The following RAP1GAP2 variants were observed in gnomAD, a reference collection of about 807,000 sequenced individuals.
RAP1GAP2 encodes the protein rap1 GTPase-activating protein 2.
A neutral mutation model predicts 95.0 loss-of-function variants in RAP1GAP2; 27 were observed. That is an observed-to-expected ratio of 0.28 (90% CI 0.21 to 0.39). The LOEUF (loss-of-function observed/expected upper bound fraction) is 0.39, where lower values mean the gene tolerates loss of function less well. Among genes scored for constraint, RAP1GAP2 ranks in the 10% least tolerant of loss-of-function variants. RAP1GAP2 has a pLI of 1.00. For missense variants in RAP1GAP2, 771 were observed against 970.0 expected (o/e 0.79, Z 2.72); for synonymous variants, 373 against 380.9 (o/e 0.98, Z 0.24).
intron 1 of RAP1GAP2, among the ~76,000 whole-genome samples, chr17:2,756,063 G>A (rs2151751250): frequency 6.6e-6 from 1 of 152,302 alleles, no homozygotes; most frequent in East Asian, 1.9e-4. Context: ...CCCTTTCCCT[G>A]CACTTCACCT....
At position 3,004,301 on chromosome 17, in the gene RAP1GAP2, T is replaced by A. The variant is rs374157000; in HGVS notation, c.1201-1068T>A. On this transcript the variant is annotated intron_variant, in intron 14 of 24. Coordinates refer to ENST00000254695, the MANE Select transcript of RAP1GAP2 (RefSeq NM_015085.5). This position sits in a 1 kb window ranked among gnomAD's most constrained non-coding sequence, Gnocchi z 4.1. ...GGAGCTTGAGAAGAGAAAGCCCGTA[T>A]TGACCAGCTCTCTCCCGCTCCGTTT... Among the ~76,000 whole-genome samples, 231 of 152,356 alleles carry A rather than the reference T, an allele frequency of 1.5e-3. No individual in the cohort carries two copies. Among genetic ancestry groups the A allele is most frequent in the African/African-American group, 5.2e-3 (218 of 41,598 alleles).
At chr17:2,778,581 T>C (rs2068562890) in intron 1 of RAP1GAP2, among the ~76,000 whole-genome samples, 1 of 152,092 alleles carries the variant, frequency 6.6e-6, no homozygotes, top group Non-Finnish European at 1.5e-5. Context: ...TCAGAATGAC[T>C]TGAGCCTTGA....
chr17:3,017,602 T>G (rs1597884183), intron 17 of RAP1GAP2, among the ~76,000 whole-genome samples: 1 of 152,198 alleles, frequency 6.6e-6, no homozygotes, highest in Admixed American at 6.5e-5. Flanking sequence ...GTCAGACACC[T>G]GAGTGTGTTG....
intron 1 of RAP1GAP2, among the ~76,000 whole-genome samples, chr17:2,762,768 G>A (rs148266133): frequency 1.0e-3 from 151 of 150,230 alleles, no homozygotes; most frequent in African/African-American, 3.6e-3. Flanking sequence ...ACTGGGTCTC[G>A]TCACTTCAAG....
chr17:2,963,795 C>A lies in RAP1GAP2; in HGVS notation c.280-61C>A. ...GGGAGCAGCGCAGAGGGGACACCGC[C>A]ACCGGCCCCCTCCCTCCCCTGCGGT... On this transcript the variant is annotated intron_variant, in intron 6 of 24. Coordinates refer to ENST00000254695, the MANE Select transcript of RAP1GAP2 (RefSeq NM_015085.5). This position sits in a 1 kb window ranked among gnomAD's most constrained non-coding sequence, Gnocchi z 4.8. 1 of 1,406,588 alleles carries A rather than the reference C, an allele frequency of 7.1e-7. No individual in the cohort carries two copies. Among genetic ancestry groups the A allele is most frequent in the Non-Finnish European group, 9.6e-7 (1 of 1,037,602 alleles). 87.1% of individuals were successfully genotyped at this position (1,406,588 alleles called of 1,614,324 possible).
chr17:2,895,994 G>C (rs941138980), intron 2 of RAP1GAP2, among the ~76,000 whole-genome samples: 2 of 152,046 alleles, frequency 1.3e-5, no homozygotes, highest in African/African-American at 2.4e-5. Context: ...TCCTGCTTCT[G>C]TGCCCTCCCC....
chr17:2,836,540 G>A (rs562357889), intron 2 of RAP1GAP2, among the ~76,000 whole-genome samples: 11 of 152,278 alleles, frequency 7.2e-5, no homozygotes, highest in East Asian at 1.9e-4. Flanking sequence ...GCTGAGGTAC[G>A]AGAATCGCTT....
rs538095929 is a variant in RAP1GAP2 at position 2,790,937 on chromosome 17, G to T, written c.-13-9578G>T. ...GAGGCCGGGCGCTGCGAGCGCCGTG[G>T]CTCACGCCTGTAATCCCAGCACTTT... is the stretch of plus-strand genomic sequence containing the variant. On this transcript the variant is annotated intron_variant, in intron 1 of 24. Transcript: ENST00000540393. 1.6e-4 allele frequency among the ~76,000 whole-genome samples: 24 copies of T among 152,340 alleles called. No homozygotes were observed. In the East Asian group the frequency reaches 4.5e-3, roughly 28 times the overall value.
At chr17:2,851,006 G>A (rs1457024130) in intron 2 of RAP1GAP2, among the ~76,000 whole-genome samples, 1 of 151,418 alleles carries the variant, frequency 6.6e-6, no homozygotes, top group Non-Finnish European at 1.5e-5. Flanking sequence ...GTTGCAGTGA[G>A]CCAAGACCGT....
At position 2,830,935 on chromosome 17, in the gene RAP1GAP2, C is replaced by T. The variant is rs565200459; in HGVS notation, c.80+30385C>T. Among the ~76,000 whole-genome samples the T allele has an allele frequency of 2.0e-4, 28 of 137,536 alleles. No homozygotes were observed. The East Asian group carries it at 3.5e-3, about 17-fold the overall frequency. The allele number at this position is 137,536 out of a possible 152,430, so 90.2% of individuals were successfully genotyped here. ...TGAGCATATCCTTTTCTTACCTCCA[C>T]TCCCCTTCCCTCCCTTCCCCTCCCC... On this transcript the variant is annotated intron_variant, in intron 2 of 24. Coordinates refer to ENST00000254695, the MANE Select transcript of RAP1GAP2 (RefSeq NM_015085.5).
At chr17:2,956,519 G>A (rs1247336402) in intron 3 of RAP1GAP2, among the ~76,000 whole-genome samples, 1 of 152,226 alleles carries the variant, frequency 6.6e-6, no homozygotes, top group Non-Finnish European at 1.5e-5. Flanking sequence ...ACCTCTGCCT[G>A]AAGAAGAACC....
rs989816663 is a variant in RAP1GAP2, at chr17:2,965,475, T to A, written c.493-65T>A. ...GGGCTTCTCCTGGTGAAGGAGGTGG[T>A]TTAGGGGGAACATACCTGGAAGGTT... On this transcript the variant is annotated intron_variant, in intron 7 of 24. Transcript: ENST00000254695. The surrounding 1 kb of genome is among the most constrained non-coding windows in gnomAD (Gnocchi z 4.7). The A allele has an allele frequency of 7.9e-6, 10 of 1,260,304 alleles. No homozygotes were observed. The Admixed American group carries it at 9.9e-5, about 13-fold the overall frequency. 78.1% of individuals were successfully genotyped at this position (1,260,304 alleles called of 1,614,324 possible).
intron 1 of RAP1GAP2, among the ~76,000 whole-genome samples, chr17:2,757,964 G>A (rs548015989): frequency 7.4e-4 from 113 of 152,002 alleles, no homozygotes; most frequent in African/African-American, 2.6e-3. Context: ...CCGCCTGCCG[G>A]GTTCACACCA....
intron 8 of RAP1GAP2, among the ~76,000 whole-genome samples, chr17:2,967,441 T>C (rs1003841028): frequency 1.3e-5 from 2 of 152,140 alleles, no homozygotes; most frequent in Non-Finnish European, 2.9e-5. Context: ...ATATATGAAG[T>C]TGGAGATCTA....
At chr17:2,882,083 G>C (rs996817799) in intron 2 of RAP1GAP2, among the ~76,000 whole-genome samples, 1 of 149,202 alleles carries the variant, frequency 6.7e-6, no homozygotes, top group Non-Finnish European at 1.5e-5. Context: ...GTTTCTCAAA[G>C]TGCTGGGATT....
intron 2 of RAP1GAP2, among the ~76,000 whole-genome samples, chr17:2,844,266 C>T (rs1025160489): frequency 5.3e-5 from 8 of 152,110 alleles, no homozygotes; most frequent in African/African-American, 4.8e-5. Context: ...GTGATCTGCC[C>T]GCCTCGGCCT....
intron 2 of RAP1GAP2, among the ~76,000 whole-genome samples, chr17:2,848,027 T>C (rs779652250): frequency 6.6e-6 from 1 of 152,204 alleles, no homozygotes; most frequent in African/African-American, 2.4e-5. Flanking sequence ...CCAAGTGATA[T>C]ATGAAGAACT....
At chr17:2,891,822 T>TTTTC (rs1555562778) in intron 2 of RAP1GAP2, among the ~76,000 whole-genome samples, 1 of 111,546 alleles carries the variant, frequency 9.0e-6, no homozygotes, top group African/African-American at 3.5e-5. Flanking sequence ...TTCTTTTTTT[T>TTTTC]TTTTTTTTTT....
intron 2 of RAP1GAP2, among the ~76,000 whole-genome samples, chr17:2,838,313 C>T (rs755042161): frequency 1.3e-5 from 2 of 152,062 alleles, no homozygotes; most frequent in South Asian, 2.1e-4. Flanking sequence ...CCACGGCGCC[C>T]GGCCTTGTGT....
Sources: gnomAD v4.1 joint callset for allele counts (sites outside exome capture counted in the v4.1 genomes callset) on GRCh38, gnomAD v4.1.1 for gene constraint, Gnocchi (gnomAD v3.1) non-coding constraint, MANE v1.5 for transcripts, NCBI Gene and HGNC (gene_info 2026-07-23, HGNC 2026-07-21) for gene names.